TCERG1L: variants seen among roughly 807,000 people sequenced by gnomAD.
The protein encoded by TCERG1L is transcription elongation regulator 1-like protein.
TCERG1L carries 37 observed loss-of-function variants against 56.3 expected under a neutral mutation model. The observed-to-expected ratio is 0.66, with a 90% confidence interval of 0.51 to 0.87. The LOEUF (loss-of-function observed/expected upper bound fraction) is 0.87. Among genes scored for constraint, TCERG1L ranks in the 40% least tolerant of loss-of-function variants. The pLI is 0.00. For synonymous variants in TCERG1L, 324 were observed against 326.3 expected, an observed-to-expected ratio of 0.99 and a Z score of 0.08; for missense variants, 799 against 774.2, an observed-to-expected ratio of 1.03 and a Z score of -0.38.
chr10:131,214,208 C>T (rs545364174), intron 4 of TCERG1L, among the ~76,000 whole-genome samples: 49 of 152,212 alleles, frequency 3.2e-4, no homozygotes, highest in African/African-American at 1.2e-3. Context: ...GTGAGGCTCC[C>T]TGGGAAGCTT....
chr10:131,311,515 A>G lies in TCERG1L; in HGVS notation c.121T>C (p.Trp41Arg). ...AEPPPPPPWV[W>R]MVPGSAGLLR... ...AGCCCGGCCGAGCCCGGCACCATCC[A>G]GACCCAGGGCGGCGGCGGCGGCGGC... The change falls in exon 1 of 12, where the codon TGG becomes CGG. Residue 41 changes from tryptophan to arginine, a missense_variant. By Grantham distance (101) the Trp-to-Arg change is moderately radical. Coordinates refer to ENST00000368642, the MANE Select transcript of TCERG1L (RefSeq NM_174937.4). This position sits in a 1 kb window ranked among gnomAD's most constrained non-coding sequence, Gnocchi z 4.0. 8.3e-7 allele frequency: 1 copy of G among 1,198,324 alleles called. No individual in the cohort carries two copies. The highest frequency in any genetic ancestry group is 1.0e-6 in the Non-Finnish European group (1 of 964,040). 74.2% of individuals were successfully genotyped at this position (1,198,324 alleles called of 1,614,324 possible). A position where few individuals can be genotyped will look rare whatever the true frequency, so the allele number is the denominator to read the frequency against.
chr10:131,215,181 T>C (rs1441205632), intron 4 of TCERG1L, among the ~76,000 whole-genome samples: 1 of 152,212 alleles, frequency 6.6e-6, no homozygotes, highest in African/African-American at 2.4e-5. Flanking sequence ...TTTCCCTTTA[T>C]TTGAAAGCCT....
Position 131,311,188 on chromosome 10 carries a change from C to A in TCERG1L, c.342+106G>T, listed in dbSNP as rs1412348777. The A allele has an allele frequency of 2.0e-5, 19 of 934,636 alleles. No homozygotes were observed. Among genetic ancestry groups the A allele is most frequent in the Non-Finnish European group, 2.6e-5 (19 of 740,482 alleles). The allele number at this position is 934,636 out of a possible 1,614,324, so 57.9% of individuals were successfully genotyped here. A position where few individuals can be genotyped will look rare whatever the true frequency, so the allele number is the denominator to read the frequency against. On this transcript the variant is annotated intron_variant, in intron 1 of 11. Transcript: ENST00000368642. This position sits in a 1 kb window ranked among gnomAD's most constrained non-coding sequence, Gnocchi z 4.0. ...GAGGGTTTGGGGCGGCGAGGACCGC[C>A]GGGGAGGAGGGCGCGCGAGCCGGAG...
chr10:131,219,648 G>A (rs543878237), intron 4 of TCERG1L, among the ~76,000 whole-genome samples: 16 of 152,314 alleles, frequency 1.1e-4, no homozygotes, highest in African/African-American at 2.6e-4. Context: ...AAGGTTGCCC[G>A]GCCCCAGGGC....
At chr10:131,164,123 T>C (rs1452700626) in intron 5 of TCERG1L, 1 of 120,062 alleles carries the variant, frequency 8.3e-6, no homozygotes, top group East Asian at 2.6e-4. Flanking sequence ...TGAGACTCTG[T>C]CTTAAAAAAA....
chr10:131,210,138 A>G (rs1845601205), intron 4 of TCERG1L, among the ~76,000 whole-genome samples: 1 of 152,250 alleles, frequency 6.6e-6, no homozygotes, highest in Non-Finnish European at 1.5e-5. Flanking sequence ...ATTTTCCAGC[A>G]TTTTGTCATC....
intron 4 of TCERG1L, among the ~76,000 whole-genome samples, chr10:131,174,017 C>T (rs1039978182): frequency 2.0e-5 from 3 of 152,188 alleles, no homozygotes; most frequent in Non-Finnish European, 4.4e-5. Flanking sequence ...CTTTTGACTG[C>T]TACCGGAGGG....
intron 3 of TCERG1L, among the ~76,000 whole-genome samples, chr10:131,290,647 A>AC (rs1846605717): frequency 6.6e-6 from 1 of 152,020 alleles, no homozygotes; most frequent in African/African-American, 2.4e-5. Flanking sequence ...AAAAAAAAAA[A>AC]AAAAACCTTA....
At chr10:131,310,188 AGT>A (rs1158150574) in intron 1 of TCERG1L, among the ~76,000 whole-genome samples, 1 of 152,226 alleles carries the variant, frequency 6.6e-6, no homozygotes, top group African/African-American at 2.4e-5. Flanking sequence ...GAAAAAATGC[AGT>A]TTTTTAAAGC....
intron 10 of TCERG1L, among the ~76,000 whole-genome samples, chr10:131,102,648 G>GCGGCT (rs1845315130): frequency 6.6e-6 from 1 of 152,170 alleles, no homozygotes; most frequent in Admixed American, 6.5e-5. Context: ...TCTGTTTTCA[G>GCGGCT]CGGCTCTTCT....
At chr10:131,108,537 G>C (rs1283603436) in intron 9 of TCERG1L, among the ~76,000 whole-genome samples, 1 of 152,014 alleles carries the variant, frequency 6.6e-6, no homozygotes, top group African/African-American at 2.4e-5. Flanking sequence ...TGTGTGCGTG[G>C]GTGTTCTGTC....
chr10:131,219,989 T>C (rs1845713030), intron 4 of TCERG1L, among the ~76,000 whole-genome samples: 1 of 152,124 alleles, frequency 6.6e-6, no homozygotes, highest in Non-Finnish European at 1.5e-5. Flanking sequence ...CTAATGGTCC[T>C]TTTCCTGAGA....
chr10:131,246,037 C>G (rs2918169), intron 4 of TCERG1L, among the ~76,000 whole-genome samples: 148,090 of 152,280 alleles, frequency 0.97, 72,122 homozygotes, highest in East Asian at 1. Flanking sequence ...CACTGAGGCT[C>G]TGGTGAGACA....
At chr10:131,259,263 A>G (rs1302752135) in intron 4 of TCERG1L, among the ~76,000 whole-genome samples, 1 of 152,208 alleles carries the variant, frequency 6.6e-6, no homozygotes. Context: ...TAGTAGGTAT[A>G]TATTTATGTG....
intron 4 of TCERG1L, among the ~76,000 whole-genome samples, chr10:131,224,242 G>A (rs949572279): frequency 2.6e-5 from 4 of 152,006 alleles, no homozygotes; most frequent in Non-Finnish European, 4.4e-5. Context: ...GCCCCTACAT[G>A]CTCCTGCCCC....
intron 4 of TCERG1L, among the ~76,000 whole-genome samples, chr10:131,171,549 C>T (rs1024291868): frequency 1.3e-5 from 2 of 152,200 alleles, no homozygotes; most frequent in South Asian, 2.1e-4. Flanking sequence ...CCAGCAAATG[C>T]TTCTTACATT....
At chr10:131,154,378 C>G (rs555711410) in intron 6 of TCERG1L, among the ~76,000 whole-genome samples, 21 of 152,190 alleles carry the variant, frequency 1.4e-4, no homozygotes, top group Non-Finnish European at 2.9e-4. Context: ...CCCAGTCCCC[C>G]ACTACACAAA....
At chr10:131,146,356 T>G in intron 7 of TCERG1L, 150 bp downstream of exon 7, 3 of 899,494 alleles carry the variant, frequency 3.3e-6, no homozygotes, top group South Asian at 6.6e-5. Context: ...CCATAAAAAC[T>G]TGATTACTAA....
intron 3 of TCERG1L, among the ~76,000 whole-genome samples, chr10:131,291,397 A>ATTTTTTTT (rs1564835283): frequency 1.7e-5 from 1 of 60,188 alleles, no homozygotes; most frequent in African/African-American, 6.6e-5. Flanking sequence ...CATAAACAGC[A>ATTTTTTTT]TTTCTTTTTT....
Sources: gnomAD v4.1 joint callset for allele counts (sites outside exome capture counted in the v4.1 genomes callset) on GRCh38, gnomAD v4.1.1 for gene constraint, Gnocchi (gnomAD v3.1) non-coding constraint, MANE v1.5 for transcripts, NCBI Gene and HGNC (gene_info 2026-07-23, HGNC 2026-07-21) for gene names.